The following HGSNAT variants were observed in gnomAD, a reference collection of about 807,000 sequenced individuals.
HGSNAT encodes the protein transmembrane protein 76.
A neutral mutation model predicts 85.2 loss-of-function variants in HGSNAT; 59 were observed. The observed-to-expected ratio is 0.69, with a 90% CI of 0.56 to 0.86. The LOEUF (loss-of-function observed/expected upper bound fraction) is 0.86. HGSNAT is among the 40% of genes least tolerant of loss of function. The pLI is 0.00. For synonymous variants in HGSNAT, 321 were observed against 304.5 expected (o/e 1.05, Z -0.56); for missense variants, 756 against 777.1 (o/e 0.97, Z 0.32).
intron 17 of HGSNAT, among the ~76,000 whole-genome samples, chr8:43,198,280 CTTTTTTT>C (rs59416007): frequency 1.1e-5 from 1 of 90,332 alleles, no homozygotes; most frequent in African/African-American, 4.5e-5. Flanking sequence ...GTTTCTGGTT[CTTTTTTT>C]TTTTTTTTTT....
At chr8:43,187,215 T>C (rs531636796) in intron 11 of HGSNAT, among the ~76,000 whole-genome samples, 6 of 152,336 alleles carry the variant, frequency 3.9e-5, no homozygotes, top group African/African-American at 1.4e-4. Context: ...TTCTGTCTCA[T>C]TGATCTGTCT....
intron 1 of HGSNAT, among the ~76,000 whole-genome samples, chr8:43,144,351 TG>T (rs1802648659): frequency 6.6e-6 from 1 of 151,616 alleles, no homozygotes; most frequent in Non-Finnish European, 1.5e-5. Context: ...AAATTTTAAC[TG>T]GATGTTCCCG....
chr8:43,168,666 G>A (rs892789936), intron 5 of HGSNAT, among the ~76,000 whole-genome samples: 1 of 151,962 alleles, frequency 6.6e-6, no homozygotes, highest in Non-Finnish European at 1.5e-5. Context: ...CAAAGTGCTG[G>A]GATTACAGGC....
intron 2 of HGSNAT, among the ~76,000 whole-genome samples, chr8:43,153,640 T>C (rs1802992668): frequency 2.0e-5 from 3 of 152,356 alleles, no homozygotes; most frequent in Admixed American, 1.3e-4. Context: ...ATAGTCACCC[T>C]ACTGTGCCAT....
chr8:43,159,463 C>T (rs554369852), intron 4 of HGSNAT, among the ~76,000 whole-genome samples: 1 of 152,218 alleles, frequency 6.6e-6, no homozygotes, highest in South Asian at 2.1e-4. Flanking sequence ...CGATGCGTGC[C>T]TGTAGTCCCA....
chr8:43,190,499 A>G (rs1804491207), intron 11 of HGSNAT, among the ~76,000 whole-genome samples: 1 of 152,068 alleles, frequency 6.6e-6, no homozygotes. Flanking sequence ...CTTAGGGTGA[A>G]GGACAGGCGA....
intron 5 of HGSNAT, chr8:43,168,087 T>G (rs1803490504): frequency 5.7e-6 from 1 of 175,624 alleles, no homozygotes; most frequent in African/African-American, 2.4e-5. Flanking sequence ...CCTGGCTAAT[T>G]TTTTTGTATT....
intron 14 of HGSNAT, among the ~76,000 whole-genome samples, chr8:43,195,430 A>ATCATCATGAAGATCTGCATCT (rs1290503381): frequency 6.6e-6 from 1 of 152,044 alleles, no homozygotes; most frequent in Non-Finnish European, 1.5e-5. Context: ...GTGGGAGTGG[A>ATCATCATGAAGATCTGCATCT]TCATCATGAA....
intron 2 of HGSNAT, 43 bp downstream of exon 2, chr8:43,147,106 G>A (rs747439549): frequency 1.9e-5 from 22 of 1,149,858 alleles, no homozygotes; most frequent in Non-Finnish European, 2.7e-5. Context: ...TTTGGGGCTT[G>A]TTTGATATGA....
At chr8:43,141,063 C>T (rs1165810059) in intron 1 of HGSNAT, among the ~76,000 whole-genome samples, 1 of 152,228 alleles carries the variant, frequency 6.6e-6, no homozygotes, top group East Asian at 1.9e-4. Context: ...CTGAGGGCCT[C>T]GCCCCCGAGG....
At chr8:43,152,196 C>T (rs1221578574) in intron 2 of HGSNAT, among the ~76,000 whole-genome samples, 1 of 152,002 alleles carries the variant, frequency 6.6e-6, no homozygotes, top group South Asian at 2.1e-4. Context: ...GAGGCTGAGG[C>T]AGGAGAATCA....
At chr8:43,195,655 T>TGGAGGAGGAGGAGGGAGTAGAGGA (rs144111342) in intron 14 of HGSNAT, among the ~76,000 whole-genome samples, 21 of 67,630 alleles carry the variant, frequency 3.1e-4, no homozygotes, top group African/African-American at 1.2e-3. Flanking sequence ...GAGGAGGGGC[T>TGGAGGAGGAGGAGGGAGTAGAGGA]GGAGGAGGAG....
intron 14 of HGSNAT, chr8:43,196,257 A>G (rs1804722947): frequency 2.9e-6 from 1 of 349,626 alleles, no homozygotes; most frequent in Non-Finnish European, 5.6e-6. Flanking sequence ...GTTGATTAAT[A>G]TTAGCTATTA....
In HGSNAT at chr8:43,192,437, GA is replaced by G; in HGVS notation, c.1377+8del. ...CCAGCACCCATCTTCTGCTGTGAGT[GA>G]GACTCGAGTTCGCTTAGAACTGGAA... is the stretch of plus-strand genomic sequence containing the variant. On this transcript the variant is annotated splice_region_variant and intron_variant, in intron 13 of 17. Transcript: ENST00000379644. 1 of 1,603,850 alleles carries G rather than the reference GA, an allele frequency of 6.2e-7. No individual in the cohort carries two copies.
At chr8:43,172,877 C>T (rs1282161529) in intron 8 of HGSNAT, among the ~76,000 whole-genome samples, 1 of 152,160 alleles carries the variant, frequency 6.6e-6, no homozygotes. Context: ...ACATAACAAA[C>T]GTGTCTACAT....
chr8:43,181,397 AT>A (rs1804118186), intron 10 of HGSNAT, among the ~76,000 whole-genome samples: 1 of 152,008 alleles, frequency 6.6e-6, no homozygotes, highest in African/African-American at 2.4e-5. Flanking sequence ...TCTGCTTTGA[AT>A]GAGTATCAGA....
intron 5 of HGSNAT, among the ~76,000 whole-genome samples, chr8:43,164,897 TAGAG>T (rs1335584471): frequency 2.7e-5 from 4 of 145,810 alleles, no homozygotes; most frequent in African/African-American, 9.8e-5. Context: ...TCTGAATGAA[TAGAG>T]AGGCCCAAAG....
intron 2 of HGSNAT, among the ~76,000 whole-genome samples, chr8:43,156,725 C>T (rs560104661): frequency 1.2e-4 from 19 of 152,146 alleles, no homozygotes; most frequent in Non-Finnish European, 1.9e-4. Flanking sequence ...ATAACTGTTA[C>T]ATCTTCCTGC....
chr8:43,154,439 G>A lies in HGSNAT; in HGVS notation c.235-4136G>A, dbSNP rs184443691. 8.5e-3 allele frequency among the ~76,000 whole-genome samples: 1,283 copies of A among 150,440 alleles called. 17 individuals carry two copies. Among genetic ancestry groups the A allele is most frequent in the African/African-American group, 0.03 (1,213 of 40,944 alleles). ...AATTCCCACATATGAGTGAGAGCAC[G>A]CGGTGTTTGGTTTTTTGTCCTTGCG... On this transcript the variant is annotated intron_variant, in intron 2 of 17. Coordinates refer to ENST00000379644, the MANE Select transcript of HGSNAT (RefSeq NM_152419.3).
Sources: allele counts gnomAD v4.1 joint callset (sites outside exome capture counted in the v4.1 genomes callset), GRCh38; gene constraint gnomAD v4.1.1; transcripts MANE v1.5; gene names NCBI Gene and HGNC (gene_info 2026-07-23, HGNC 2026-07-21).